CLCN3: variants seen among roughly 807,000 people sequenced by gnomAD.
The protein encoded by CLCN3 is Cl-/H+ antiporter 3.
CLCN3 carries 16 observed loss-of-function variants against 83.4 expected under a neutral mutation model. The ratio of observed to expected loss-of-function variants is 0.19; its 90% CI spans 0.13 to 0.29. CLCN3 has a LOEUF of 0.29. Ranked by LOEUF, CLCN3 falls within the 10% of genes least tolerant of loss-of-function variation. The pLI, the probability that CLCN3 is intolerant of heterozygous loss-of-function variation, is 1.00. For missense variants in CLCN3, 544 were observed against 1,006.0 expected, an observed-to-expected ratio of 0.54 and a Z score of 6.21; for synonymous variants, 322 against 346.2, an observed-to-expected ratio of 0.93 and a Z score of 0.78.
intron 9 of CLCN3, among the ~76,000 whole-genome samples, chr4:169,700,041 A>G (rs1581266249): frequency 6.6e-6 from 1 of 152,322 alleles, no homozygotes. Flanking sequence ...CAGTTGAACT[A>G]CAAGAAGCTG....
At chr4:169,695,567 T>C (rs747454524) in intron 7 of CLCN3, 45 bp from the exon 8 acceptor site, 1 of 1,374,326 alleles carries the variant, frequency 7.3e-7, no homozygotes, top group South Asian at 1.2e-5. Flanking sequence ...TTTGGTATGT[T>C]TGAATTTCTA....
At chr4:169,668,292 T>C (rs1053427779) in intron 2 of CLCN3, among the ~76,000 whole-genome samples, 13 of 152,122 alleles carry the variant, frequency 8.5e-5, no homozygotes, top group African/African-American at 2.9e-4. Context: ...TAGCTGGGAC[T>C]ACAGGTGTGC....
chr4:169,629,665 C>T (rs565301891), intron 1 of CLCN3, among the ~76,000 whole-genome samples: 6 of 152,308 alleles, frequency 3.9e-5, no homozygotes, highest in Admixed American at 6.5e-5. Flanking sequence ...GCCACTGCGC[C>T]TGGTCTAATG....
intron 1 of CLCN3, among the ~76,000 whole-genome samples, chr4:169,629,749 C>T (rs1773324147): frequency 6.6e-6 from 1 of 152,094 alleles, no homozygotes; most frequent in South Asian, 2.1e-4. Context: ...ACACGTTCTA[C>T]AATGGCAGAC....
At position 169,623,825 on chromosome 4, in the gene CLCN3, G is replaced by A. The variant is rs185156738; in HGVS notation, c.-17+2762G>A. On this transcript the variant is annotated intron_variant, in intron 1 of 12. Coordinates refer to ENST00000513761, the MANE Select transcript of CLCN3 (RefSeq NM_001829.4). Reference sequence around the variant, plus strand: ...CATTATGTCCTCCGGGTTAATCTACGTTTTTGAAAATGACATAATTTTCTT... The same window carrying A: ...CATTATGTCCTCCGGGTTAATCTACATTTTTGAAAATGACATAATTTTCTT... Among the ~76,000 whole-genome samples the A allele has an allele frequency of 3.3e-5, 5 of 151,898 alleles. No homozygotes were observed. In the East Asian group the frequency reaches 7.7e-4, roughly 24 times the overall value.
In CLCN3 at chr4:169,697,611, C is replaced by G. The variant is rs1453514346; in HGVS notation, c.1440C>G (p.Ala480=). 6.2e-7 allele frequency: 1 copy of G among 1,614,120 alleles called. No homozygotes were observed. The highest frequency in any genetic ancestry group is 1.1e-5 in the South Asian group (1 of 91,080). Residue 480 remains alanine (A), a synonymous_variant, in exon 9 of 13, where the codon GCC becomes GCG. Transcript: ENST00000513761. ...GTGACTACAGAAATGACATGAATGC[C>G]AGTAAAATTGTCGATGACATTCCTG... is the stretch of plus-strand genomic sequence containing the variant. The part of the protein sequence containing the change: ...SLCDYRNDMN[A]SKIVDDIPDR...
chr4:169,684,103 C>T (rs532789858), intron 3 of CLCN3, among the ~76,000 whole-genome samples: 38 of 152,194 alleles, frequency 2.5e-4, no homozygotes, highest in South Asian at 6.2e-4. Flanking sequence ...TCTTTTTTTC[C>T]GTGAACTTTT....
At chr4:169,684,568 A>G (rs962974481) in intron 3 of CLCN3, among the ~76,000 whole-genome samples, 12 of 152,176 alleles carry the variant, frequency 7.9e-5, no homozygotes, top group Non-Finnish European at 1.8e-4. Flanking sequence ...GATTCATCGT[A>G]GACATTTCCC....
At chr4:169,632,773 A>G (rs1323887063) in intron 1 of CLCN3, among the ~76,000 whole-genome samples, 2 of 150,196 alleles carry the variant, frequency 1.3e-5, no homozygotes, top group Non-Finnish European at 3.0e-5. Context: ...GTTGGGCTGC[A>G]TAGAACTTTT....
At chr4:169,636,258 T>C (rs1773499920) in intron 2 of CLCN3, among the ~76,000 whole-genome samples, 170 bp downstream of exon 2, 1 of 152,170 alleles carries the variant, frequency 6.6e-6, no homozygotes, top group South Asian at 2.1e-4. Flanking sequence ...ATTTAGCAGG[T>C]TCACAGTGTT....
At chr4:169,695,913 A>G (rs1335397878) in intron 8 of CLCN3, among the ~76,000 whole-genome samples, 2 of 152,240 alleles carry the variant, frequency 1.3e-5, no homozygotes, top group African/African-American at 2.4e-5. Flanking sequence ...GAATGTTAGT[A>G]ATTATTTAAA....
chr4:169,697,346 C>CT lies in CLCN3; in HGVS notation c.1179dup (p.Ile394TyrfsTer16). The CT allele has an allele frequency of 6.2e-7, 1 of 1,613,934 alleles. No individual in the cohort carries two copies. The highest frequency in any genetic ancestry group is 8.5e-7 in the Non-Finnish European group (1 of 1,179,984). On this transcript the variant is annotated frameshift_variant, in exon 9 of 13. Transcript: ENST00000513761. LOFTEE classifies it high-confidence loss of function. ...CCATGGTACCTTTTTGAACTGTTTC[C>CT]TTTTATTCTTCTAGGGGTATTTGGA... is the stretch of plus-strand genomic sequence containing the variant.
intron 8 of CLCN3, 148 bp downstream of exon 8, chr4:169,695,840 A>G (rs1193185639): frequency 9.1e-6 from 5 of 550,876 alleles, no homozygotes; most frequent in African/African-American, 1.9e-5. Context: ...CATTCTTAAT[A>G]AAAAGTAAAT....
At chr4:169,696,701 T>C (rs1732577361) in intron 8 of CLCN3, among the ~76,000 whole-genome samples, 1 of 152,112 alleles carries the variant, frequency 6.6e-6, no homozygotes, top group Non-Finnish European at 1.5e-5. Flanking sequence ...CCTGTTCACC[T>C]CCCCAACCCC....
chr4:169,680,290 C>T (rs1275114711), intron 3 of CLCN3, 83 bp downstream of exon 3: 3 of 951,606 alleles, frequency 3.2e-6, no homozygotes, highest in Non-Finnish European at 3.1e-6. Flanking sequence ...TGATCTCAGG[C>T]TGCCAAATGT....
intron 2 of CLCN3, among the ~76,000 whole-genome samples, chr4:169,641,939 G>C (rs1001702094): frequency 6.6e-6 from 1 of 152,012 alleles, no homozygotes; most frequent in Non-Finnish European, 1.5e-5. Flanking sequence ...TTCCAAAAAA[G>C]GATATAAAGC....
chr4:169,678,999 C>A (rs991739717), intron 2 of CLCN3, among the ~76,000 whole-genome samples: 1 of 150,660 alleles, frequency 6.6e-6, no homozygotes, highest in Admixed American at 6.6e-5. Context: ...CGGGCGGAGG[C>A]GCCCCCCACC....
At chr4:169,707,755 T>C (rs562948892) in intron 11 of CLCN3, among the ~76,000 whole-genome samples, 3 of 152,328 alleles carry the variant, frequency 2.0e-5, no homozygotes, top group Non-Finnish European at 4.4e-5. Flanking sequence ...ATATCTGATT[T>C]AAAGTGACAA....
In CLCN3 at chr4:169,720,331, G is replaced by A; in HGVS notation, c.*334G>A. On this transcript the variant is annotated 3_prime_UTR_variant, in exon 13 of 13. Coordinates refer to ENST00000513761, the MANE Select transcript of CLCN3 (RefSeq NM_001829.4). ...GCGCCTCAACAGAGATGACAGCAGA[G>A]TCCTCGAGCACCTGGCCTGTTGCTC... is the stretch of plus-strand genomic sequence containing the variant. 1 of 318,674 alleles carries A rather than the reference G, an allele frequency of 3.1e-6. No individual in the cohort carries two copies. Among genetic ancestry groups the A allele is most frequent in the Non-Finnish European group, 5.7e-6 (1 of 175,224 alleles). The allele number at this position is 318,674 out of a possible 1,614,324, so 19.7% of individuals were successfully genotyped here. A position where few individuals can be genotyped will look rare whatever the true frequency, so the allele number is the denominator to read the frequency against.
Sources: allele counts gnomAD v4.1 joint callset (sites outside exome capture counted in the v4.1 genomes callset), GRCh38; gene constraint gnomAD v4.1.1; transcripts MANE v1.5; gene names NCBI Gene and HGNC (gene_info 2026-07-23, HGNC 2026-07-21).